Variants in R3HCC1L observed in about 807,000 individuals in gnomAD.
The protein encoded by R3HCC1L is R3H domain and coiled-coil containing 1 like.
R3HCC1L carries 51 observed loss-of-function variants against 59.9 expected under a neutral mutation model. The observed-to-expected ratio is 0.85, with a 90% CI of 0.68 to 1.07. The LOEUF (loss-of-function observed/expected upper bound fraction) is 1.07. Ranked by LOEUF, R3HCC1L falls within the 50% of genes least tolerant of loss-of-function variation. The probability of loss-of-function intolerance (pLI) is 0.00; values close to 1 mark genes in which losing one functional copy is unlikely to be tolerated. For missense variants in R3HCC1L, 965 were observed against 933.0 expected (o/e 1.03, Z -0.45); for synonymous variants, 322 against 315.2 (o/e 1.02, Z -0.23).
intron 1 of R3HCC1L, among the ~76,000 whole-genome samples, chr10:98,153,126 T>C (rs1039522455): frequency 1.1e-4 from 16 of 152,114 alleles, no homozygotes; most frequent in African/African-American, 3.9e-4. Flanking sequence ...CAACAGCTCA[T>C]TGAGAACGGG....
chr10:98,191,255 T>A lies in R3HCC1L; in HGVS notation c.-14-16846T>A, dbSNP rs559545318. Reference sequence around the variant, plus strand: ...CTGTCTTCCACAATGGTTGAACCAATTTACACTCCCACCAACAGTGTAAAA... The same window carrying A: ...CTGTCTTCCACAATGGTTGAACCAAATTACACTCCCACCAACAGTGTAAAA... On this transcript the variant is annotated intron_variant, in intron 4 of 9. Transcript: ENST00000298999. Among the ~76,000 whole-genome samples the A allele has an allele frequency of 4.4e-4, 67 of 152,304 alleles. No individual in the cohort carries two copies. In the South Asian group the frequency reaches 0.013, roughly 31 times the overall value.
At chr10:98,210,980 C>G (rs1320046386) in intron 5 of R3HCC1L, among the ~76,000 whole-genome samples, 1 of 152,190 alleles carries the variant, frequency 6.6e-6, no homozygotes, top group African/African-American at 2.4e-5. Context: ...GCAATCCCAC[C>G]TCATTCGTGG....
chr10:98,211,983 T>C (rs1456096468), intron 5 of R3HCC1L, among the ~76,000 whole-genome samples: 1 of 152,114 alleles, frequency 6.6e-6, no homozygotes, highest in Non-Finnish European at 1.5e-5. Context: ...ACAGAGAATA[T>C]AGTATTTTAA....
intron 2 of R3HCC1L, among the ~76,000 whole-genome samples, chr10:98,156,902 T>C (rs1202223673): frequency 6.6e-6 from 1 of 152,268 alleles, no homozygotes; most frequent in Non-Finnish European, 1.5e-5. Context: ...TTGTAAGAAC[T>C]TTAAAATTCT....
chr10:98,209,188 AAC>A lies in R3HCC1L; in HGVS notation c.1078_1079del (p.His360Ter). The A allele has an allele frequency of 6.2e-7, 1 of 1,613,850 alleles. No individual in the cohort carries two copies. The highest frequency in any genetic ancestry group is 8.5e-7 in the Non-Finnish European group (1 of 1,179,956). On this transcript the variant is annotated frameshift_variant, in exon 5 of 10. Coordinates refer to ENST00000298999, the MANE Select transcript of R3HCC1L (RefSeq NM_001351015.2). LOFTEE classifies it high-confidence loss of function. ...PPDTAVLAHE[T>X]HRDSGFKNVG... ...CTGATACAGCTGTCCTTGCTCATGA[AAC>A]ACATAGAGATAGTGGATTTAAGAAT...
chr10:98,230,204 C>T (rs556410300), intron 5 of R3HCC1L, among the ~76,000 whole-genome samples: 26 of 152,322 alleles, frequency 1.7e-4, no homozygotes, highest in African/African-American at 6.3e-4. Flanking sequence ...GTGAATCCGT[C>T]TGGTCCTGGA....
chr10:98,237,650 G>T (rs1857102521), intron 9 of R3HCC1L, among the ~76,000 whole-genome samples: 1 of 152,136 alleles, frequency 6.6e-6, no homozygotes, highest in African/African-American at 2.4e-5. Context: ...CTTTATTTGT[G>T]AATAGAGACC....
chr10:98,220,439 G>C (rs1404445756), intron 5 of R3HCC1L, among the ~76,000 whole-genome samples: 1 of 144,066 alleles, frequency 6.9e-6, no homozygotes, highest in Non-Finnish European at 1.5e-5. Flanking sequence ...CATTGTGCAG[G>C]TTAGTTACAT....
chr10:98,202,466 C>T (rs1852156896), intron 4 of R3HCC1L, among the ~76,000 whole-genome samples: 1 of 152,180 alleles, frequency 6.6e-6, no homozygotes, highest in African/African-American at 2.4e-5. Context: ...GAGGACACAT[C>T]ACCACCATGA....
intron 5 of R3HCC1L, among the ~76,000 whole-genome samples, chr10:98,222,525 A>T (rs1410890992): frequency 6.6e-6 from 1 of 151,944 alleles, no homozygotes; most frequent in Non-Finnish European, 1.5e-5. Context: ...TTTGTCATAG[A>T]TAGCTCTTAT....
intron 4 of R3HCC1L, among the ~76,000 whole-genome samples, chr10:98,182,676 A>C (rs1331626950): frequency 6.6e-6 from 1 of 152,086 alleles, no homozygotes. Flanking sequence ...GGCCTCATTG[A>C]GCTGCGGTGG....
chr10:98,230,749 A>C (rs1455368701), intron 5 of R3HCC1L, among the ~76,000 whole-genome samples: 1 of 152,174 alleles, frequency 6.6e-6, no homozygotes, highest in East Asian at 1.9e-4. Flanking sequence ...AACAGTGTCT[A>C]GGTTTTATAA....
Position 98,236,106 on chromosome 10 carries a change from A to T in R3HCC1L, c.2211A>T (p.Arg737=). ...RRLVISALGV[R]SKQSKTEREA... ...TAGTCATCAGTGCCCTTGGGGTTCG[A>T]AGTAAGCAGAGCAAAACCGAACGAG... Residue 737 remains arginine, a synonymous_variant, in exon 9 of 10, where the codon CGA becomes CGT. Transcript: ENST00000298999. The T allele has an allele frequency of 6.2e-7, 1 of 1,614,050 alleles. No individual in the cohort carries two copies. The highest frequency in any genetic ancestry group is 8.5e-7 in the Non-Finnish European group (1 of 1,179,934).
intron 5 of R3HCC1L, among the ~76,000 whole-genome samples, chr10:98,218,546 T>G (rs535123346): frequency 1.3e-4 from 20 of 152,338 alleles, no homozygotes; most frequent in African/African-American, 4.6e-4. Flanking sequence ...AGTTCCAATG[T>G]TATCTTTATG....
intron 1 of R3HCC1L, among the ~76,000 whole-genome samples, 167 bp downstream of exon 1, chr10:98,134,873 C>T (rs1201647396): frequency 1.3e-5 from 2 of 152,212 alleles, no homozygotes; most frequent in African/African-American, 4.8e-5. Flanking sequence ...GCGGAGGTTA[C>T]TGGGAAGCTC....
At chr10:98,185,375 TA>T (rs1305150083) in intron 4 of R3HCC1L, among the ~76,000 whole-genome samples, 1 of 152,128 alleles carries the variant, frequency 6.6e-6, no homozygotes, top group Non-Finnish European at 1.5e-5. Flanking sequence ...GTAATTATAC[TA>T]AAGTAATGAT....
intron 6 of R3HCC1L, among the ~76,000 whole-genome samples, chr10:98,233,915 C>T (rs1345282566): frequency 6.6e-6 from 1 of 151,964 alleles, no homozygotes; most frequent in Non-Finnish European, 1.5e-5. Flanking sequence ...ATTATAGTTG[C>T]CCCCTTTTTT....
chr10:98,134,766 C>T (rs779929515), intron 1 of R3HCC1L, 60 bp downstream of exon 1: 50 of 152,272 alleles, frequency 3.3e-4, no homozygotes, highest in Admixed American at 1.5e-3. Flanking sequence ...TTAATCCCCA[C>T]TTCTCCCTTC....
intron 2 of R3HCC1L, among the ~76,000 whole-genome samples, chr10:98,157,154 CTT>C (rs1846962194): frequency 6.6e-6 from 1 of 152,140 alleles, no homozygotes; most frequent in Admixed American, 6.5e-5. Context: ...TCATTTGGAT[CTT>C]TTCACTGGAA....
Sources: allele counts gnomAD v4.1 joint callset (sites outside exome capture counted in the v4.1 genomes callset), GRCh38; gene constraint gnomAD v4.1.1; transcripts MANE v1.5; gene names NCBI Gene and HGNC (gene_info 2026-07-23, HGNC 2026-07-21).